The following USP33 variants were observed in gnomAD, a reference collection of about 807,000 sequenced individuals.
USP33 encodes ubiquitin carboxyl-terminal hydrolase 33.
In USP33, 46 loss-of-function variants were observed where a neutral mutation model predicts 124.2. The observed-to-expected ratio is 0.37, with a 90% CI of 0.29 to 0.47. The LOEUF is 0.47. Among genes scored for constraint, USP33 ranks in the 20% least tolerant of loss-of-function variants. The pLI is 0.99. For synonymous variants in USP33, 350 were observed against 352.3 expected, an observed-to-expected ratio of 0.99 and a Z score of 0.07; for missense variants, 851 against 1,070.6, an observed-to-expected ratio of 0.79 and a Z score of 2.86.
rs530771835 is a variant in USP33, at chr1:77,705,599, T to C, written c.2407-4128A>G. On this transcript the variant is annotated intron_variant, in intron 21 of 23. Transcript: ENST00000370794. ...ATCTCCAATTCCTAGGCTCAAGCAA[T>C]CCCCTATTCTCAGCCTCCCAAAGTG... 3.3e-5 allele frequency among the ~76,000 whole-genome samples: 5 copies of C among 151,632 alleles called. No individual in the cohort carries two copies. In the South Asian group the frequency reaches 1.0e-3, roughly 32 times the overall value.
In USP33 at chr1:77,697,929, G is replaced by A. The variant is rs755083761; in HGVS notation, c.2512C>T (p.Pro838Ser). 16 of 1,593,356 alleles carry A rather than the reference G, an allele frequency of 1.0e-5. No individual in the cohort carries two copies. Among genetic ancestry groups the A allele is most frequent in the Non-Finnish European group, 1.4e-5 (16 of 1,173,272 alleles). Residue 838 changes from proline (P) to serine (S), a missense_variant and splice_region_variant, in exon 23 of 24, where the codon CCT becomes TCT. By Grantham distance (74) the Pro-to-Ser change is moderately conservative (BLOSUM62 -1). Coordinates refer to ENST00000370794, the MANE Select transcript of USP33 (RefSeq NM_201624.3). ...ESFVKGKDGD[P>S]PGPIDNTKIA... ...TTAGTATTGTCAATAGGACCTGGAG[G>A]ATCTAAAGGAAAAAATATCAAAATG... is the stretch of plus-strand genomic sequence containing the variant.
intron 1 of USP33, among the ~76,000 whole-genome samples, chr1:77,751,824 G>A (rs1680366174): frequency 6.6e-6 from 1 of 151,754 alleles, no homozygotes; most frequent in Non-Finnish European, 1.5e-5. Flanking sequence ...GAGTAGCTGG[G>A]ACTACAGGCA....
chr1:77,704,495 T>C (rs1029248374), intron 21 of USP33, among the ~76,000 whole-genome samples: 3 of 152,238 alleles, frequency 2.0e-5, no homozygotes, highest in African/African-American at 7.2e-5. Flanking sequence ...CTTTTTAAAA[T>C]TTAGTTAAGC....
intron 15 of USP33, among the ~76,000 whole-genome samples, chr1:77,719,679 C>T (rs1474985259): frequency 6.6e-6 from 1 of 151,612 alleles, no homozygotes; most frequent in Non-Finnish European, 1.5e-5. Flanking sequence ...ATGGCAAAAC[C>T]CCATCTCAAC....
At chr1:77,755,028 G>A (rs1680672444) in intron 1 of USP33, among the ~76,000 whole-genome samples, 1 of 152,162 alleles carries the variant, frequency 6.6e-6, no homozygotes, top group South Asian at 2.1e-4. Context: ...TATTGGAAGA[G>A]AGAGGAAATA....
chr1:77,707,592 C>T (rs923326103), intron 21 of USP33, among the ~76,000 whole-genome samples: 3 of 152,098 alleles, frequency 2.0e-5, no homozygotes. Context: ...CCACTATAGG[C>T]ACCATTTAGT....
chr1:77,700,558 T>C (rs1411502288), intron 22 of USP33, among the ~76,000 whole-genome samples: 1 of 152,186 alleles, frequency 6.6e-6, no homozygotes, highest in Non-Finnish European at 1.5e-5. Context: ...CAGTGAGCCA[T>C]AATCATGCTG....
Position 77,759,757 on chromosome 1 carries a change from G to C in USP33, c.-166C>G. The stretch of plus-strand genomic sequence containing the variant: ...TCGGAGAGGGGCAGTGTCGCGTCAG[G>C]AGGGCCGGAAAACGGCCCCGCAGCG... On this transcript the variant is annotated 5_prime_UTR_variant, in exon 1 of 24. Coordinates refer to ENST00000370794, the MANE Select transcript of USP33 (RefSeq NM_201624.3). 1 of 398,070 alleles carries C rather than the reference G, an allele frequency of 2.5e-6. No individual in the cohort carries two copies. The highest frequency in any genetic ancestry group is 4.4e-5 in the Admixed American group (1 of 22,720). 24.7% of individuals were successfully genotyped at this position (398,070 alleles called of 1,614,324 possible).
chr1:77,730,539 A>T (rs1298855976), intron 8 of USP33, 79 bp downstream of exon 8: 1 of 1,097,330 alleles, frequency 9.1e-7, no homozygotes, highest in African/African-American at 1.6e-5. Context: ...CGGCTCCATA[A>T]ATGGACCTGC....
Position 77,739,377 on chromosome 1 carries a change from C to T in USP33, c.239G>A (p.Arg80Gln), listed in dbSNP as rs1262810432. Residue 80 changes from arginine (R) to glutamine (Q), a missense_variant, in exon 5 of 24, where the codon CGA becomes CAA. Around this residue, in one of 4 missense-constraint regions of USP33, gnomAD observed 221 missense variants for 302.9 expected, o/e 0.73. Transcript: ENST00000370794. ...TTTGCTGCAAGCATAACACCATACT[C>T]GAAGAGTGGTAAGGTTCACAGTTAG... Reference protein sequence around the residue: ...HYLTVNLTTLRVWCYACSKEV... With the variant: ...HYLTVNLTTLQVWCYACSKEV... 1.2e-6 allele frequency: 2 copies of T among 1,613,480 alleles called. No individual in the cohort carries two copies. The highest frequency in any genetic ancestry group is 8.5e-7 in the Non-Finnish European group (1 of 1,179,772).
chr1:77,754,017 T>C (rs1291490419), intron 1 of USP33, among the ~76,000 whole-genome samples: 4 of 152,174 alleles, frequency 2.6e-5, no homozygotes, highest in Admixed American at 6.5e-5. Flanking sequence ...GGATCCTTTC[T>C]TTTCTGTGCA....
chr1:77,750,255 T>C (rs1253367156), intron 1 of USP33, among the ~76,000 whole-genome samples: 1 of 151,878 alleles, frequency 6.6e-6, no homozygotes, highest in Non-Finnish European at 1.5e-5. Flanking sequence ...GAGGCAGAGG[T>C]TGCAGTGAGC....
rs755882052 is a variant in USP33 at position 77,721,161 on chromosome 1, A to G, written c.1691+11T>C. ...CAACATGCAATTAAAAGCACTGTCA[A>G]TGTCACTTACTTTTTGCATTTTTCA... On this transcript the variant is annotated intron_variant, in intron 15 of 23. Transcript: ENST00000370794. The G allele has an allele frequency of 8.7e-6, 14 of 1,613,746 alleles. No homozygotes were observed. Among genetic ancestry groups the G allele is most frequent in the South Asian group, 2.2e-5 (2 of 91,064 alleles).
chr1:77,734,386 G>T lies in USP33; in HGVS notation c.485C>A (p.Thr162Asn). 1 of 1,598,352 alleles carries T rather than the reference G, an allele frequency of 6.3e-7. No homozygotes were observed. ...GLTGLKNIGN[T>N]CYMNAALQAL... is the part of the protein sequence containing the mutation. ...CTGCAAAGCTGCATTCATGTAACAA[G>T]TATTTCCAATATTTTTCAAACCTGT... The change falls in exon 7 of 24, where the codon ACT (threonine) becomes AAT (asparagine). Residue 162 changes from threonine to asparagine, a missense_variant. Coordinates refer to ENST00000370794, the MANE Select transcript of USP33 (RefSeq NM_201624.3).
intron 1 of USP33, among the ~76,000 whole-genome samples, chr1:77,748,750 A>C (rs1375122430): frequency 7.0e-6 from 1 of 143,256 alleles, no homozygotes. Flanking sequence ...CATAAGTGAG[A>C]CTGTTCTTTT....
rs377651341 is a variant in USP33 at position 77,722,114 on chromosome 1, C to T, written c.1472G>A (p.Ser491Asn). 28 of 1,613,918 alleles carry T rather than the reference C, an allele frequency of 1.7e-5. No homozygotes were observed. Among genetic ancestry groups the T allele is most frequent in the Non-Finnish European group, 2.2e-5 (26 of 1,179,984 alleles). The part of the protein sequence containing the change: ...KEDLAKLHSS[S>N]HPTSIVKAGS... ...TGCTTTGACTATAGAAGTTGGATGA[C>T]TTGATGAATGCAGCTTAGCAAGGTC... is the stretch of plus-strand genomic sequence containing the variant. Residue 491 changes from serine to asparagine, a missense_variant, in exon 13 of 24, where the codon AGT becomes AAT. By Grantham distance (46) the Ser-to-Asn change is conservative. This residue lies in a region of USP33 where 281 missense variants were observed against 425.0 expected (regional missense o/e 0.66). Transcript: ENST00000370794.
rs533635679 is a variant in USP33, at chr1:77,728,592, T to C, written c.838A>G (p.Lys280Glu). Residue 280 changes from lysine to glutamate, a missense_variant, in exon 10 of 24, where the codon AAG becomes GAG. By Grantham distance (56) the Lys-to-Glu change is moderately conservative. Transcript: ENST00000370794. ...TGAAAATCTACATCCGACTGGCTCT[T>C]GTCTTCTTCCATTGTCTCCTCAGTG... ...ITTEETMEED[K>E]SQSDVDFQSC... The C allele has an allele frequency of 1.9e-6, 3 of 1,614,190 alleles. No individual in the cohort carries two copies. Among genetic ancestry groups the C allele is most frequent in the East Asian group, 2.2e-5 (1 of 44,872 alleles).
chr1:77,698,841 A>C (rs1324975997), intron 22 of USP33, among the ~76,000 whole-genome samples: 1 of 152,202 alleles, frequency 6.6e-6, no homozygotes, highest in African/African-American at 2.4e-5. Context: ...ATTACAAGTC[A>C]AAATGTACCA....
At chr1:77,720,192 AAACC>A in intron 15 of USP33, 1 of 461,910 alleles carries the variant, frequency 2.2e-6, no homozygotes. Flanking sequence ...AAAAAAAAAA[AAACC>A]TTTATTCTTA....
Sources: gnomAD v4.1 joint callset for allele counts (sites outside exome capture counted in the v4.1 genomes callset) on GRCh38, gnomAD v4.1.1 for gene constraint, gnomAD v4.1.1 regional missense constraint, MANE v1.5 for transcripts, NCBI Gene and HGNC (gene_info 2026-07-23, HGNC 2026-07-21) for gene names.